The following OR51B5 variants were observed in gnomAD, a reference collection of about 807,000 sequenced individuals.
OR51B5 encodes the protein olfactory receptor family 51 subfamily B member 5, also known as olfactory receptor 51B5.
For missense variants in OR51B5, 456 were observed against 374.6 expected, an observed-to-expected ratio of 1.22 and a Z score of -1.79; for synonymous variants, 186 against 144.8, an observed-to-expected ratio of 1.28 and a Z score of -2.04.
At chr11:5,343,757 GGA>G, upstream of OR51B5, 1 of 397,154 alleles carries the variant, frequency 2.5e-6, no homozygotes, top group Non-Finnish European at 4.5e-6. Flanking sequence ...TCAAATTCTT[GGA>G]GTTTCAACTG....
At chr11:5,361,435 A>G (rs1265638900) in intron 1 of OR51B5, among the ~76,000 whole-genome samples, 1 of 152,170 alleles carries the variant, frequency 6.6e-6, no homozygotes, top group Non-Finnish European at 1.5e-5. Flanking sequence ...TGTTGGATCC[A>G]ATATCTTGAC....
chr11:5,454,258 G>A, intron 1 of OR51B5: 1 of 1,614,136 alleles, frequency 6.2e-7, no homozygotes, highest in Non-Finnish European at 8.5e-7. Context: ...CCAATGATTG[G>A]GGTCTCCACA....
chr11:5,377,009 A>G (rs1849538431), intron 1 of OR51B5, among the ~76,000 whole-genome samples: 1 of 152,210 alleles, frequency 6.6e-6, no homozygotes, highest in Non-Finnish European at 1.5e-5. Context: ...CACAACCAAA[A>G]AAGAGAATTT....
chr11:5,435,824 A>G (rs951046391), intron 1 of OR51B5, among the ~76,000 whole-genome samples: 2 of 152,314 alleles, frequency 1.3e-5, no homozygotes, highest in Admixed American at 6.5e-5. Flanking sequence ...ACTATTTAGC[A>G]GAAACAATAA....
At chr11:5,485,608 C>A (rs1019465826) in intron 1 of OR51B5, among the ~76,000 whole-genome samples, 2 of 152,164 alleles carry the variant, frequency 1.3e-5, no homozygotes, top group African/African-American at 4.8e-5. Context: ...CTTGCACCCC[C>A]ACTTCTAGTC....
chr11:5,409,621 T>C lies in OR51B5; in HGVS notation n.85-62711A>G, dbSNP rs898787822. On this transcript the variant is annotated intron_variant and non_coding_transcript_variant, in intron 1 of 4. Transcript: ENST00000415970. Reference sequence around the variant, plus strand: ...AAATAGCCAAATGAAAGCACAAAAATTGAAAATATAAAGCACAAAAATTGA... The same window carrying C: ...AAATAGCCAAATGAAAGCACAAAAACTGAAAATATAAAGCACAAAAATTGA... Among the ~76,000 whole-genome samples the C allele has an allele frequency of 7.9e-5, 12 of 151,580 alleles. 1 individual carries two copies. Among genetic ancestry groups the C allele is most frequent in the Admixed American group, 5.2e-4 (8 of 15,248 alleles).
At chr11:5,385,933 ATAAG>A (rs1452204958) in intron 1 of OR51B5, among the ~76,000 whole-genome samples, 2 of 131,014 alleles carry the variant, frequency 1.5e-5, no homozygotes, top group Admixed American at 7.8e-5. Flanking sequence ...ATATGGATGT[ATAAG>A]TATGTTCTAT....
At chr11:5,494,312 T>C (rs1203793409) in intron 1 of OR51B5, among the ~76,000 whole-genome samples, 1 of 152,204 alleles carries the variant, frequency 6.6e-6, no homozygotes, top group Non-Finnish European at 1.5e-5. Context: ...AGGTGAACCA[T>C]TTCTTTGTCT....
chr11:5,360,801 C>T, intron 1 of OR51B5, among the ~76,000 whole-genome samples: 1 of 148,448 alleles, frequency 6.7e-6, no homozygotes, highest in Non-Finnish European at 1.5e-5. Context: ...CCATGGAATA[C>T]TATGCAGCCA....
At chr11:5,450,141 C>T (rs568001199) in intron 1 of OR51B5, among the ~76,000 whole-genome samples, 4 of 152,130 alleles carry the variant, frequency 2.6e-5, no homozygotes, top group Non-Finnish European at 5.9e-5. Context: ...GTAATCCCAG[C>T]ACTTTGGGAG....
At chr11:5,459,731 C>G (rs1227246976) in intron 1 of OR51B5, among the ~76,000 whole-genome samples, 4 of 152,150 alleles carry the variant, frequency 2.6e-5, no homozygotes, top group African/African-American at 9.7e-5. Flanking sequence ...CAAAAAAGAA[C>G]AGATGCTGGC....
At chr11:5,380,604 G>T (rs1849594208) in intron 1 of OR51B5, among the ~76,000 whole-genome samples, 1 of 152,064 alleles carries the variant, frequency 6.6e-6, no homozygotes. Flanking sequence ...TTTAAGGCTT[G>T]GTCAATATGA....
chr11:5,383,373 G>T (rs549376223), intron 1 of OR51B5, among the ~76,000 whole-genome samples: 116 of 152,304 alleles, frequency 7.6e-4, no homozygotes, highest in Middle Eastern at 3.4e-3. Flanking sequence ...ACAGGAAAAT[G>T]AGTGCAGGAG....
chr11:5,496,154 T>A (rs907927961), intron 1 of OR51B5, among the ~76,000 whole-genome samples: 1 of 152,024 alleles, frequency 6.6e-6, no homozygotes, highest in South Asian at 2.1e-4. Flanking sequence ...GTAGTCCACG[T>A]TGACTCTCAA....
At chr11:5,375,136 T>C (rs534398861) in intron 1 of OR51B5, among the ~76,000 whole-genome samples, 7,928 of 136,356 alleles carry the variant, frequency 0.058, 396 homozygotes, top group South Asian at 0.081. Flanking sequence ...GCAGCTCTCT[T>C]GGCAGAAACT....
chr11:5,443,616 T>C (rs776824840), intron 1 of OR51B5, among the ~76,000 whole-genome samples: 8 of 152,150 alleles, frequency 5.3e-5, no homozygotes, highest in Non-Finnish European at 1.0e-4. Context: ...CCCCCGTCTG[T>C]AACCACTGGC....
In OR51B5 at chr11:5,404,586, G is replaced by A. The variant is rs566750742; in HGVS notation, n.85-57676C>T. 4.7e-4 allele frequency among the ~76,000 whole-genome samples: 72 copies of A among 152,286 alleles called. 3 individuals carry two copies. In the South Asian group the frequency reaches 0.014, roughly 29 times the overall value. The stretch of plus-strand genomic sequence containing the variant: ...CAGGATGTGGGCGGGGCCAAATAAG[G>A]GAATAAAAGCTGGCTGCCCAAGCCA... On this transcript the variant is annotated intron_variant and non_coding_transcript_variant, in intron 1 of 4. Transcript: ENST00000415970.
chr11:5,435,493 T>C (rs1478974352), intron 1 of OR51B5, among the ~76,000 whole-genome samples: 1 of 152,244 alleles, frequency 6.6e-6, no homozygotes, highest in Non-Finnish European at 1.5e-5. Context: ...ATGGATGATA[T>C]TGACTGTTTT....
intron 1 of OR51B5, chr11:5,440,679 G>C: frequency 1.2e-6 from 2 of 1,613,874 alleles, no homozygotes; most frequent in African/African-American, 1.3e-5. Flanking sequence ...GTAGACATTG[G>C]ACATCATGAC....
Sources: allele counts gnomAD v4.1 joint callset (sites outside exome capture counted in the v4.1 genomes callset), GRCh38; gene constraint gnomAD v4.1.1; transcripts MANE v1.5; gene names NCBI Gene and HGNC (gene_info 2026-07-23, HGNC 2026-07-21).